Variants in ACAD11 observed in about 807,000 individuals in gnomAD.
ACAD11 encodes the protein acyl-CoA dehydrogenase family member 11, also known as acyl-Coenzyme A dehydrogenase family, member 11.
In ACAD11, 83 loss-of-function variants were observed where a neutral mutation model predicts 102.2. The ratio of observed to expected loss-of-function variants is 0.81; its 90% CI spans 0.68 to 0.97. The LOEUF (loss-of-function observed/expected upper bound fraction) is 0.97. ACAD11 is among the 50% of genes least tolerant of loss of function. The pLI is 0.00. For synonymous variants in ACAD11, 324 were observed against 319.8 expected (o/e 1.01, Z -0.14); for missense variants, 901 against 951.7 (o/e 0.95, Z 0.70).
chr3:132,561,113 G>C lies in ACAD11; in HGVS notation c.2106C>G (p.Gly702=). The C allele has an allele frequency of 6.2e-7, 1 of 1,612,512 alleles. No individual in the cohort carries two copies. The highest frequency in any genetic ancestry group is 8.5e-7 in the Non-Finnish European group (1 of 1,178,970). Residue 702 remains glycine (G), a synonymous_variant, in exon 18 of 20, where the codon GGC becomes GGG. Coordinates refer to ENST00000264990, the MANE Select transcript of ACAD11 (RefSeq NM_032169.5). ...AHSMDTLGSA[G]AKKEIAMIKV... is the part of the protein sequence containing the mutation. ...AAGGTAGCCTCACCTCTTTCTTAGC[G>C]CCAGCACTGCCCAGAGTGTCCATGC... is the stretch of plus-strand genomic sequence containing the variant.
rs749809244 is a variant in ACAD11 at position 132,578,846 on chromosome 3, T to C, written c.1724A>G (p.Asn575Ser). The part of the protein sequence containing the change: ...KQHSMILVPM[N>S]TPGVKIIRPL... ...CCTTATTATTTTTACTCCAGGTGTG[T>C]TCATGGGAACAAGAATCATGCTGTG... The change falls in exon 15 of 20, where the codon AAC becomes AGC. Residue 575 changes from asparagine to serine, a missense_variant. Transcript: ENST00000264990. The C allele has an allele frequency of 6.2e-7, 1 of 1,613,094 alleles. No individual in the cohort carries two copies. Among genetic ancestry groups the C allele is most frequent in the South Asian group, 1.1e-5 (1 of 90,974 alleles).
chr3:132,635,090 A>T (rs1299442065), intron 5 of ACAD11, among the ~76,000 whole-genome samples: 1 of 151,188 alleles, frequency 6.6e-6, no homozygotes, highest in East Asian at 1.9e-4. Flanking sequence ...AATAATAAAA[A>T]AATAAAAAAA....
intron 13 of ACAD11, among the ~76,000 whole-genome samples, chr3:132,592,353 T>A (rs1938115255): frequency 6.6e-6 from 1 of 152,156 alleles, no homozygotes; most frequent in South Asian, 2.1e-4. Context: ...AGAGAACATT[T>A]AAACATATAT....
At chr3:132,586,457 G>A (rs964172373) in intron 13 of ACAD11, among the ~76,000 whole-genome samples, 12 of 151,802 alleles carry the variant, frequency 7.9e-5, no homozygotes, top group Non-Finnish European at 1.2e-4. Flanking sequence ...AAACCTAGAC[G>A]TTGTGCACAT....
chr3:132,562,475 G>A (rs757251965), intron 17 of ACAD11, among the ~76,000 whole-genome samples: 1 of 152,200 alleles, frequency 6.6e-6, no homozygotes, highest in Non-Finnish European at 1.5e-5. Flanking sequence ...CAGATAGCAG[G>A]AGTAGAATTG....
intron 1 of ACAD11, among the ~76,000 whole-genome samples, chr3:132,656,495 ATT>A (rs34116314): frequency 6.9e-6 from 1 of 145,808 alleles, no homozygotes; most frequent in Non-Finnish European, 1.5e-5. Context: ...ATATTGTCAG[ATT>A]TTTTTTTTTT....
intron 3 of ACAD11, 62 bp from the exon 4 acceptor site, chr3:132,642,195 T>A: frequency 7.2e-7 from 1 of 1,392,660 alleles, no homozygotes; most frequent in Non-Finnish European, 9.7e-7. Context: ...TCGAATATAC[T>A]AGAAAAACAT....
chr3:132,630,495 A>G lies in ACAD11; in HGVS notation c.905T>C (p.Leu302Pro). ...GGCAAGAAAGAAATTCCAGTTAGGA[A>G]GAATAGAATTAATTCCCCTGCAGCG... ...YCRCRGINSI[L>P]PNWNFFLALS... The change falls in exon 7 of 20, where the codon CTT becomes CCT. Residue 302 changes from leucine (L) to proline (P), a missense_variant. By Grantham distance (98) the Leu-to-Pro change is moderately conservative (BLOSUM62 -3). Coordinates refer to ENST00000264990, the MANE Select transcript of ACAD11 (RefSeq NM_032169.5). 3.1e-6 allele frequency: 5 copies of G among 1,613,186 alleles called. No homozygotes were observed. The highest frequency in any genetic ancestry group is 1.3e-5 in the African/African-American group (1 of 75,020).
chr3:132,637,020 AG>A (rs1250768611), intron 5 of ACAD11, among the ~76,000 whole-genome samples: 2 of 152,146 alleles, frequency 1.3e-5, no homozygotes, highest in Non-Finnish European at 2.9e-5. Context: ...ATGAAGTTAC[AG>A]CCTAGATAAA....
chr3:132,594,041 A>C (rs1938196017), intron 13 of ACAD11, among the ~76,000 whole-genome samples: 1 of 152,154 alleles, frequency 6.6e-6, no homozygotes. Flanking sequence ...AAAAGGGAAA[A>C]TACAGGAAAA....
At chr3:132,600,463 T>C (rs777999661) in intron 13 of ACAD11, 3 of 1,613,422 alleles carry the variant, frequency 1.9e-6, no homozygotes, top group Non-Finnish European at 2.5e-6. Context: ...ATGGCACTTA[T>C]GACTACAGTC....
At chr3:132,595,186 G>A (rs1299620675) in intron 13 of ACAD11, among the ~76,000 whole-genome samples, 4 of 152,174 alleles carry the variant, frequency 2.6e-5, no homozygotes, top group Admixed American at 2.6e-4. Context: ...AGACTTGAAA[G>A]AGAAGAGGAA....
intron 1 of ACAD11, chr3:132,659,337 G>A (rs1445377995): frequency 2.2e-6 from 1 of 464,418 alleles, no homozygotes; most frequent in East Asian, 4.5e-5. Context: ...AATCCTCAAG[G>A]GACATAAATC....
intron 11 of ACAD11, among the ~76,000 whole-genome samples, chr3:132,612,331 T>C (rs1475835382): frequency 6.6e-6 from 1 of 151,978 alleles, no homozygotes; most frequent in Non-Finnish European, 1.5e-5. Context: ...ACTTCATGTC[T>C]AAAACATCAA....
chr3:132,576,389 A>G (rs935884647), intron 16 of ACAD11, among the ~76,000 whole-genome samples: 7 of 152,210 alleles, frequency 4.6e-5, no homozygotes, highest in Non-Finnish European at 1.0e-4. Context: ...CATTCCTGGA[A>G]GAGGTGGTAT....
chr3:132,589,052 C>G (rs547063576), intron 13 of ACAD11, among the ~76,000 whole-genome samples: 3 of 152,080 alleles, frequency 2.0e-5, no homozygotes, highest in East Asian at 1.9e-4. Flanking sequence ...ATCAAAGAGG[C>G]CTGAGAGAGC....
chr3:132,600,335 T>G, intron 13 of ACAD11: 1 of 1,413,946 alleles, frequency 7.1e-7, no homozygotes, highest in Non-Finnish European at 9.4e-7. Context: ...AAAAACTGTT[T>G]CCTTTTAAGC....
chr3:132,639,637 T>C lies in ACAD11; in HGVS notation c.557A>G (p.Gln186Arg), dbSNP rs1435172996. Residue 186 changes from glutamine (Q) to arginine (R), a missense_variant, in exon 5 of 20, where the codon CAA (glutamine) becomes CGA (arginine). By Grantham distance (43) the Gln-to-Arg change is conservative (BLOSUM62 1). Transcript: ENST00000264990. ...GTCCTGATGAGCTGCAGCTTGATATTGCTTTGTCCAGGTTGATACCTAAAG... is the reference window on the plus strand; with the variant it reads ...GTCCTGATGAGCTGCAGCTTGATATCGCTTTGTCCAGGTTGATACCTAAAG... ...CKRQVSTWTK[Q>R]YQAAAHQDIP... 2 of 1,613,420 alleles carry C rather than the reference T, an allele frequency of 1.2e-6. No homozygotes were observed. Among genetic ancestry groups the C allele is most frequent in the Non-Finnish European group, 1.7e-6 (2 of 1,179,724 alleles).
intron 15 of ACAD11, among the ~76,000 whole-genome samples, chr3:132,577,506 A>G (rs1342509346): frequency 6.6e-6 from 1 of 152,206 alleles, no homozygotes; most frequent in Non-Finnish European, 1.5e-5. Flanking sequence ...CAGGCTTGGC[A>G]TTAGTGATGA....
Sources: gnomAD v4.1 joint callset for allele counts (sites outside exome capture counted in the v4.1 genomes callset) on GRCh38, gnomAD v4.1.1 for gene constraint, MANE v1.5 for transcripts, NCBI Gene and HGNC (gene_info 2026-07-23, HGNC 2026-07-21) for gene names.